The following VSIG10 variants were observed in gnomAD, a reference collection of about 807,000 sequenced individuals.
VSIG10 encodes V-set and immunoglobulin domain containing 10, also known as V-set and immunoglobulin domain-containing protein 10.
Under a neutral mutation model 58.7 loss-of-function variants are expected in VSIG10, and 48 were observed. That is an observed-to-expected ratio of 0.82 (90% CI 0.65 to 1.04). VSIG10 has a LOEUF of 1.04. Ranked by LOEUF, VSIG10 falls within the 50% of genes least tolerant of loss-of-function variation. The pLI is 0.00. For synonymous variants in VSIG10, 260 were observed against 267.1 expected (o/e 0.97, Z 0.26); for missense variants, 628 against 670.0 (o/e 0.94, Z 0.69).
chr12:118,102,994 G>C (rs2033658682), intron 1 of VSIG10: 1 of 152,132 alleles, frequency 6.6e-6, no homozygotes. Flanking sequence ...CAGACCTTTT[G>C]TCAATCATGT....
chr12:118,066,875 C>T, intron 8 of VSIG10, 181 bp from the exon 9 acceptor site: 4 of 641,490 alleles, frequency 6.2e-6, no homozygotes, highest in South Asian at 2.0e-5. Context: ...CATTCAGAAC[C>T]TCTAGGCATG....
chr12:118,090,689 G>A (rs2033268098), intron 2 of VSIG10, among the ~76,000 whole-genome samples: 1 of 152,132 alleles, frequency 6.6e-6, no homozygotes, highest in Non-Finnish European at 1.5e-5. Flanking sequence ...GGGTCTCTCT[G>A]TCACCCAGGA....
At chr12:118,071,796 C>T (rs1228110311) in intron 5 of VSIG10, among the ~76,000 whole-genome samples, 1 of 152,214 alleles carries the variant, frequency 6.6e-6, no homozygotes. Flanking sequence ...CGGAACAGAA[C>T]AGAGAGTCCA....
chr12:118,096,867 C>T (rs1033174122), intron 1 of VSIG10, among the ~76,000 whole-genome samples: 1 of 151,596 alleles, frequency 6.6e-6, no homozygotes, highest in African/African-American at 2.4e-5. Context: ...GACAAAACCC[C>T]GTTTCTATTA....
intron 4 of VSIG10, among the ~76,000 whole-genome samples, chr12:118,074,608 G>A (rs1328346940): frequency 1.3e-5 from 2 of 150,322 alleles, no homozygotes; most frequent in Non-Finnish European, 3.0e-5. Flanking sequence ...CCTCCCAAGT[G>A]GCTGGGATTA....
chr12:118,077,715 C>T (rs74624974), intron 4 of VSIG10, among the ~76,000 whole-genome samples: 7,718 of 152,216 alleles, frequency 0.051, 377 homozygotes, highest in East Asian at 0.22. Flanking sequence ...ATCATTTGCT[C>T]TGAGGGAAGC....
chr12:118,093,359 C>A, intron 2 of VSIG10, among the ~76,000 whole-genome samples: 1 of 151,790 alleles, frequency 6.6e-6, no homozygotes, highest in Admixed American at 6.6e-5. Flanking sequence ...TTTACAACCT[C>A]GCACTCTAAA....
chr12:118,103,565 C>T, intron 1 of VSIG10, 28 bp downstream of exon 1: 1 of 1,505,634 alleles, frequency 6.6e-7, no homozygotes, highest in Non-Finnish European at 8.8e-7. Context: ...GAAAACTCAA[C>T]TTTTCCCTCC....
At chr12:118,084,902 C>T (rs1431456838) in intron 2 of VSIG10, among the ~76,000 whole-genome samples, 1 of 152,118 alleles carries the variant, frequency 6.6e-6, no homozygotes, top group African/African-American at 2.4e-5. Flanking sequence ...GCCTGTAGTC[C>T]CAGCTACTCT....
At chr12:118,072,126 G>A (rs1363035639) in intron 5 of VSIG10, among the ~76,000 whole-genome samples, 4 of 148,014 alleles carry the variant, frequency 2.7e-5, no homozygotes, top group African/African-American at 5.0e-5. Flanking sequence ...CCAAGATCGC[G>A]CCATTGCACT....
At chr12:118,079,829 CTTT>C (rs2032879730) in intron 3 of VSIG10, among the ~76,000 whole-genome samples, 1 of 151,122 alleles carries the variant, frequency 6.6e-6, no homozygotes, top group African/African-American at 2.5e-5. Context: ...GCATTTCTTT[CTTT>C]CTTTCTTTCT....
chr12:118,079,038 G>A (rs558026143), intron 4 of VSIG10, among the ~76,000 whole-genome samples: 4 of 148,692 alleles, frequency 2.7e-5, no homozygotes, highest in South Asian at 2.1e-4. Flanking sequence ...CACAAAAGAC[G>A]ATGAACCTCA....
intron 2 of VSIG10, among the ~76,000 whole-genome samples, chr12:118,083,043 A>G (rs4767660): frequency 0.68 from 99,064 of 144,984 alleles, 35,193 homozygotes; most frequent in African/African-American, 0.91. Context: ...AACCTGGGAG[A>G]TGGATGTTGT....
chr12:118,094,837 A>T (rs1376112068), intron 2 of VSIG10, among the ~76,000 whole-genome samples: 1 of 151,334 alleles, frequency 6.6e-6, no homozygotes, highest in Non-Finnish European at 1.5e-5. Context: ...CCCAGGTTCA[A>T]GCAATTCTCC....
At chr12:118,071,516 C>T (rs755541488) in intron 5 of VSIG10, 47 bp from the exon 6 acceptor site, 1 of 1,532,108 alleles carries the variant, frequency 6.5e-7, no homozygotes, top group South Asian at 1.1e-5. Flanking sequence ...GATATGTGTG[C>T]AATTAGAACA....
chr12:118,081,355 C>G (rs1310487481), intron 3 of VSIG10, among the ~76,000 whole-genome samples: 3 of 152,056 alleles, frequency 2.0e-5, no homozygotes, highest in Non-Finnish European at 4.4e-5. Flanking sequence ...GAGACGGAGT[C>G]TCGCCCTGTC....
chr12:118,072,880 G>C (rs1221325642), intron 5 of VSIG10, among the ~76,000 whole-genome samples: 2 of 152,072 alleles, frequency 1.3e-5, no homozygotes, highest in African/African-American at 4.8e-5. Flanking sequence ...TTTAGTGTAA[G>C]TATGTCTCAT....
At chr12:118,086,548 A>G (rs2033133914) in intron 2 of VSIG10, among the ~76,000 whole-genome samples, 1 of 152,134 alleles carries the variant, frequency 6.6e-6, no homozygotes, top group Non-Finnish European at 1.5e-5. Flanking sequence ...GGCTGTTCCA[A>G]TATCATACCC....
intron 2 of VSIG10, among the ~76,000 whole-genome samples, chr12:118,090,170 C>T (rs184357951): frequency 6.6e-6 from 1 of 151,958 alleles, no homozygotes; most frequent in East Asian, 1.9e-4. Context: ...AAAAATTGGC[C>T]GAGCATGGTG....
Sources: allele counts gnomAD v4.1 joint callset (sites outside exome capture counted in the v4.1 genomes callset), GRCh38; gene constraint gnomAD v4.1.1; transcripts MANE v1.5; gene names NCBI Gene and HGNC (gene_info 2026-07-23, HGNC 2026-07-21).